Variants in JUP observed in about 807,000 individuals in gnomAD.
JUP encodes the protein junction plakoglobin.
JUP carries 28 observed loss-of-function variants against 71.1 expected under a neutral mutation model. The ratio of observed to expected loss-of-function variants is 0.39; its 90% CI spans 0.29 to 0.54. The LOEUF (loss-of-function observed/expected upper bound fraction) is 0.54. Ranked by LOEUF, JUP falls within the 20% of genes least tolerant of loss-of-function variation. JUP has a pLI of 0.62. For missense variants in JUP, 869 were observed against 1,030.1 expected (o/e 0.84, Z 2.14); for synonymous variants, 401 against 438.9 (o/e 0.91, Z 1.08).
chr17:41,776,256 G>C (rs1337686430), intron 1 of JUP, among the ~76,000 whole-genome samples: 1 of 152,250 alleles, frequency 6.6e-6, no homozygotes, highest in Non-Finnish European at 1.5e-5. Context: ...GACAGGGTGA[G>C]CACAGGATTC....
intron 8 of JUP, 30 bp from the exon 9 acceptor site, chr17:41,758,900 C>T: frequency 6.3e-7 from 1 of 1,594,814 alleles, no homozygotes; most frequent in Non-Finnish European, 8.6e-7. Context: ...TGATCAGGGG[C>T]ACTTCTTGGA....
chr17:41,782,163 G>A (rs2047199736), intron 1 of JUP, among the ~76,000 whole-genome samples: 2 of 152,110 alleles, frequency 1.3e-5, no homozygotes, highest in South Asian at 4.1e-4. Context: ...ATGTCCAGTT[G>A]GCAGAGACAC....
In JUP at chr17:41,755,634, C is replaced by T; in HGVS notation, c.*110G>A. ...GAAGCTCAGCAGCAAAGGATCCCCCCAAAAAAGGAGCGCAGGTTTCAGCGG... is the reference window on the plus strand; with the variant it reads ...GAAGCTCAGCAGCAAAGGATCCCCCTAAAAAAGGAGCGCAGGTTTCAGCGG... On this transcript the variant is annotated 3_prime_UTR_variant, in exon 14 of 14. Coordinates refer to ENST00000393931, the MANE Select transcript of JUP (RefSeq NM_002230.4). The T allele has an allele frequency of 8.8e-7, 1 of 1,130,724 alleles. No homozygotes were observed. 70.0% of individuals were successfully genotyped at this position (1,130,724 alleles called of 1,614,324 possible). A position where few individuals can be genotyped will look rare whatever the true frequency, so the allele number is the denominator to read the frequency against.
In JUP at chr17:41,758,650, A is replaced by C. The variant is rs1436018974; in HGVS notation, c.1653+65T>G. 1.0e-5 allele frequency: 16 copies of C among 1,586,874 alleles called. No individual in the cohort carries two copies. In the East Asian group the frequency reaches 1.8e-4, roughly 18 times the overall value. On this transcript the variant is annotated intron_variant, in intron 9 of 13. Transcript: ENST00000393931. ...TTGCAACTGACCTCCCCATTCACAC[A>C]CACACCCACAGAGGACACCCTGACC...
In JUP at chr17:41,757,616, T is replaced by G. The variant is rs1057520892; in HGVS notation, c.1924+18A>C. On this transcript the variant is annotated intron_variant, in intron 11 of 13. Coordinates refer to ENST00000393931, the MANE Select transcript of JUP (RefSeq NM_002230.4). ...GCTGGGGGAGTGGGACCCAGCCTCC[T>G]GCCCTCCCCCAGCTCACCAGTGCCC... is the stretch of plus-strand genomic sequence containing the variant. 5.6e-6 allele frequency: 9 copies of G among 1,613,754 alleles called. No individual in the cohort carries two copies. In the African/African-American group the frequency reaches 9.3e-5, roughly 17 times the overall value.
intron 8 of JUP, among the ~76,000 whole-genome samples, chr17:41,762,502 G>C (rs4456550): frequency 6.6e-6 from 1 of 151,794 alleles, no homozygotes; most frequent in Admixed American, 6.6e-5. Flanking sequence ...GCGATCCTCC[G>C]ACCTGAGCCT....
chr17:41,772,839 G>A (rs1916869955), intron 1 of JUP: 1 of 985,420 alleles, frequency 1.0e-6, no homozygotes. Flanking sequence ...TGAGTAGCAG[G>A]GCCGAACTTT....
chr17:41,762,850 C>A (rs567618312), intron 8 of JUP, 133 bp downstream of exon 8: 48 of 726,726 alleles, frequency 6.6e-5, no homozygotes, highest in Middle Eastern at 3.4e-4. Flanking sequence ...AACTATTACA[C>A]GAGAGAGAAA....
Position 41,781,341 on chromosome 17 carries a change from T to C in JUP, c.-9+5247A>G, listed in dbSNP as rs577686088. On this transcript the variant is annotated intron_variant, in intron 1 of 13. Coordinates refer to ENST00000393931, the MANE Select transcript of JUP (RefSeq NM_002230.4). Reference sequence around the variant, plus strand: ...CTACACTCCAGTCTGGGTGACAGAGTGAGAGACTCCATCTCAAAAAAAAAA... The same window carrying C: ...CTACACTCCAGTCTGGGTGACAGAGCGAGAGACTCCATCTCAAAAAAAAAA... 2.0e-5 allele frequency among the ~76,000 whole-genome samples: 3 copies of C among 146,486 alleles called. No individual in the cohort carries two copies. In the East Asian group the frequency reaches 6.0e-4, roughly 29 times the overall value.
At chr17:41,781,184 CAAAAAAA>C (rs781830763) in intron 1 of JUP, among the ~76,000 whole-genome samples, 4 of 61,608 alleles carry the variant, frequency 6.5e-5, no homozygotes, top group African/African-American at 1.7e-4. Flanking sequence ...GACTCCGTCT[CAAAAAAA>C]AAAAAAAAAA....
At position 41,756,223 on chromosome 17, in the gene JUP, G is replaced by A. The variant is rs1223913771; in HGVS notation, c.2047-9C>T. On this transcript the variant is annotated splice_polypyrimidine_tract_variant and intron_variant, in intron 12 of 13. Transcript: ENST00000393931. ...GGAATCATGCTCTGGGCCTGAAAAA[G>A]GAGAGAGAAACATGGAGGGGAGGTT... The A allele has an allele frequency of 1.2e-6, 2 of 1,613,722 alleles. No homozygotes were observed. Among genetic ancestry groups the A allele is most frequent in the Non-Finnish European group, 8.5e-7 (1 of 1,179,782 alleles).
rs782166986 is a variant in JUP, at chr17:41,755,074, C to T, written c.*670G>A. The T allele has an allele frequency of 1.0e-5, 4 of 387,902 alleles. No homozygotes were observed. The highest frequency in any genetic ancestry group is 4.5e-5 in the Admixed American group (1 of 22,316). The allele number at this position is 387,902 out of a possible 1,614,324, so 24.0% of individuals were successfully genotyped here. On this transcript the variant is annotated 3_prime_UTR_variant, in exon 14 of 14. Coordinates refer to ENST00000393931, the MANE Select transcript of JUP (RefSeq NM_002230.4). The stretch of plus-strand genomic sequence containing the variant: ...GCCCTGGGGGCTTAGGGCAGTTGGT[C>T]GGTGGAGTTCAGTGAGAAAATCAGA...
chr17:41,770,427 C>T (rs1916474797), intron 2 of JUP, among the ~76,000 whole-genome samples: 1 of 152,328 alleles, frequency 6.6e-6, no homozygotes, highest in Admixed American at 6.5e-5. Flanking sequence ...GCAGAGGTTC[C>T]ACCCTCTAAT....
chr17:41,764,708 C>CTCA lies in JUP; in HGVS notation c.1158+2_1158+4dup, dbSNP rs782280458. ...GTCAACCCCAGGCCCAGATACCTCC[C>CTCA]TCACCTGCTTGGTGGCCACATCTGA... On this transcript the variant is annotated splice_donor_region_variant and intron_variant, in intron 7 of 13. Coordinates refer to ENST00000393931, the MANE Select transcript of JUP (RefSeq NM_002230.4). 11 of 1,611,848 alleles carry CTCA rather than the reference C, an allele frequency of 6.8e-6. No individual in the cohort carries two copies. Among genetic ancestry groups the CTCA allele is most frequent in the Non-Finnish European group, 8.5e-7 (1 of 1,179,488 alleles).
At chr17:41,760,679 G>A (rs1914664959) in intron 8 of JUP, among the ~76,000 whole-genome samples, 1 of 152,188 alleles carries the variant, frequency 6.6e-6, no homozygotes, top group Admixed American at 6.5e-5. Context: ...TTCTGCCTCA[G>A]CCTTCCGAGT....
In JUP at chr17:41,760,245, G is replaced by T. The variant is rs193242024; in HGVS notation, c.1498-1375C>A. Among the ~76,000 whole-genome samples, 647 of 151,486 alleles carry T rather than the reference G, an allele frequency of 4.3e-3. 3 individuals are homozygous for T. Among genetic ancestry groups the T allele is most frequent in the African/African-American group, 0.015 (612 of 41,300 alleles). On this transcript the variant is annotated intron_variant, in intron 8 of 13. Coordinates refer to ENST00000393931, the MANE Select transcript of JUP (RefSeq NM_002230.4). ...TTCTTATCTGCACTGGGTTTTTTTT[G>T]TTTGTTTGTTTTTTTGTTTGTTTTT...
chr17:41,771,622 T>A (rs781989984), intron 2 of JUP, 25 bp downstream of exon 2: 1 of 1,607,990 alleles, frequency 6.2e-7, no homozygotes, highest in East Asian at 2.3e-5. Context: ...TTCTGCCCCA[T>A]GCAATAGTCC....
At chr17:41,786,262 C>A (rs1354259173) in intron 1 of JUP, 8 of 152,252 alleles carry the variant, frequency 5.3e-5, no homozygotes, top group African/African-American at 1.9e-4. Context: ...AGCAAAGTCT[C>A]CCCCGCCAGC....
chr17:41,758,529 G>A lies in JUP; in HGVS notation c.1654-11C>T. 6.2e-7 allele frequency: 1 copy of A among 1,605,882 alleles called. No homozygotes were observed. Among genetic ancestry groups the A allele is most frequent in the African/African-American group, 1.3e-5 (1 of 74,902 alleles). ...CATCCTCACACCATCCTGTGTGAGAGGAGGCAGGGGGCATGGGACAGGTGC... is the reference window on the plus strand; with the variant it reads ...CATCCTCACACCATCCTGTGTGAGAAGAGGCAGGGGGCATGGGACAGGTGC... On this transcript the variant is annotated splice_polypyrimidine_tract_variant and intron_variant, in intron 9 of 13. Coordinates refer to ENST00000393931, the MANE Select transcript of JUP (RefSeq NM_002230.4).
Sources: gnomAD v4.1 joint callset for allele counts (sites outside exome capture counted in the v4.1 genomes callset) on GRCh38, gnomAD v4.1.1 for gene constraint, MANE v1.5 for transcripts, NCBI Gene and HGNC (gene_info 2026-07-23, HGNC 2026-07-21) for gene names.